The following ZNFX1 variants were observed in gnomAD, a reference collection of about 807,000 sequenced individuals.
ZNFX1 encodes the protein NFX1-type zinc finger-containing protein 1.
ZNFX1 carries 78 observed loss-of-function variants against 179.8 expected under a neutral mutation model. That is an observed-to-expected ratio of 0.43 (90% CI 0.36 to 0.52). The LOEUF is 0.52. ZNFX1 is among the 20% of genes least tolerant of loss of function. ZNFX1 has a pLI of 0.00. For synonymous variants in ZNFX1, 848 were observed against 868.5 expected (o/e 0.98, Z 0.42); for missense variants, 1,927 against 2,386.6 (o/e 0.81, Z 4.01).
In ZNFX1 at chr20:49,246,619, G is replaced by C. The variant is rs1600981501; in HGVS notation, c.*648C>G. 3.1e-6 allele frequency: 1 copy of C among 321,516 alleles called. No homozygotes were observed. Among genetic ancestry groups the C allele is most frequent in the South Asian group, 2.4e-5 (1 of 40,932 alleles). 19.9% of individuals were successfully genotyped at this position (321,516 alleles called of 1,614,324 possible). A position where few individuals can be genotyped will look rare whatever the true frequency, so the allele number is the denominator to read the frequency against. ...ATCAATGAGCTCATACTCTGTTCCT[G>C]GGGAACAATGTAGAATAAACATCTG... On this transcript the variant is annotated 3_prime_UTR_variant, in exon 14 of 14. Transcript: ENST00000396105.
intron 8 of ZNFX1, among the ~76,000 whole-genome samples, chr20:49,257,021 G>A (rs1980986286): frequency 6.6e-6 from 1 of 152,192 alleles, no homozygotes; most frequent in African/African-American, 2.4e-5. Context: ...ATCCAGCCTG[G>A]AGGTCTCGCT....
intron 13 of ZNFX1, among the ~76,000 whole-genome samples, chr20:49,250,353 C>G (rs2146728575): frequency 6.6e-6 from 1 of 152,298 alleles, no homozygotes; most frequent in South Asian, 2.1e-4. Context: ...AATGACAGAG[C>G]AGCTAACTTA....
intron 4 of ZNFX1, 122 bp downstream of exon 4, chr20:49,266,013 G>A (rs528512274): frequency 1.4e-5 from 15 of 1,090,756 alleles, no homozygotes; most frequent in East Asian, 1.2e-4. Context: ...GATCACAAAC[G>A]GCCATGTAAG....
chr20:49,249,735 G>A, intron 13 of ZNFX1, 24 bp from the exon 14 acceptor site: 1 of 1,589,404 alleles, frequency 6.3e-7, no homozygotes, highest in Non-Finnish European at 8.6e-7. Flanking sequence ...GAAGTGACAT[G>A]TTAAAAGGTT....
intron 2 of ZNFX1, among the ~76,000 whole-genome samples, chr20:49,272,686 AC>A (rs1200475738): frequency 2.0e-5 from 3 of 152,216 alleles, no homozygotes; most frequent in Non-Finnish European, 4.4e-5. Context: ...GGGAAGTACT[AC>A]CTGAATGCTG....
Position 49,257,549 on chromosome 20 carries a change from C to G in ZNFX1, c.2532G>C (p.Val844=). 1 of 1,613,956 alleles carries G rather than the reference C, an allele frequency of 6.2e-7. No homozygotes were observed. Among genetic ancestry groups the G allele is most frequent in the African/African-American group, 1.3e-5 (1 of 74,978 alleles). Reference sequence around the variant, plus strand: ...CTTCCTTCTTCCGCCGCTGGGGCCTCACCACCTCTTCCTCCTCAATCACCC... The same window carrying G: ...CTTCCTTCTTCCGCCGCTGGGGCCTGACCACCTCTTCCTCCTCAATCACCC... The part of the protein sequence containing the change: ...ADRVIEEEEV[V]RPQRRKKEES... Residue 844 remains valine, a synonymous_variant, in exon 8 of 14, where the codon GTG becomes GTC. Transcript: ENST00000396105.
At chr20:49,269,803 A>G (rs1981334801) in intron 3 of ZNFX1, 139 bp downstream of exon 3, 1 of 1,025,702 alleles carries the variant, frequency 9.7e-7, no homozygotes, top group African/African-American at 1.6e-5. Context: ...AAACCTGCAC[A>G]TGTACCCCTA....
chr20:49,247,554 C>T lies in ZNFX1; in HGVS notation c.5470G>A (p.Gly1824Ser), dbSNP rs1277455776. Residue 1824 changes from glycine (G) to serine (S), a missense_variant, in exon 14 of 14, where the codon GGC (glycine) becomes AGC (serine). Coordinates refer to ENST00000396105, the MANE Select transcript of ZNFX1 (RefSeq NM_021035.3). Reference protein sequence around the residue: ...EALKATLPCSGLGISEEERVQ... With the variant: ...EALKATLPCSSLGISEEERVQ... ...CGCTCTTCCTCTGAGATGCCCAGGC[C>T]AGAGCAGGGAAGGGTGGCTTTCAGA... 6 of 1,614,104 alleles carry T rather than the reference C, an allele frequency of 3.7e-6. No individual in the cohort carries two copies. The African/African-American group carries it at 8.0e-5, about 22-fold the overall frequency.
At chr20:49,267,393 G>C (rs951406161) in intron 3 of ZNFX1, among the ~76,000 whole-genome samples, 3 of 151,600 alleles carry the variant, frequency 2.0e-5, no homozygotes, top group South Asian at 2.1e-4. Flanking sequence ...CTGAACACCT[G>C]TTTTCAAGGG....
chr20:49,258,690 T>C (rs1981036056), intron 7 of ZNFX1, among the ~76,000 whole-genome samples: 1 of 151,708 alleles, frequency 6.6e-6, no homozygotes, highest in Non-Finnish European at 1.5e-5. Context: ...CCTGTATTTC[T>C]AGCTACCTGG....
intron 3 of ZNFX1, among the ~76,000 whole-genome samples, chr20:49,266,668 A>ACC (rs76320074): frequency 1.6e-5 from 1 of 61,040 alleles, no homozygotes; most frequent in African/African-American, 6.9e-5. Context: ...CATCCCCCCC[A>ACC]CCCCCCCCTT....
intron 2 of ZNFX1, among the ~76,000 whole-genome samples, chr20:49,273,655 T>C (rs1981481074): frequency 6.6e-6 from 1 of 152,160 alleles, no homozygotes; most frequent in Non-Finnish European, 1.5e-5. Flanking sequence ...CATGGCCAGG[T>C]GTGGTGGCTC....
rs1391765780 is a variant in ZNFX1 at position 49,248,010 on chromosome 20, T to G, written c.5014A>C (p.Ser1672Arg). 1 of 1,614,140 alleles carries G rather than the reference T, an allele frequency of 6.2e-7. No individual in the cohort carries two copies. Among genetic ancestry groups the G allele is most frequent in the East Asian group, 2.2e-5 (1 of 44,878 alleles). The change falls in exon 14 of 14, where the codon AGC (serine) becomes CGC (arginine). Residue 1672 changes from serine to arginine, a missense_variant. Transcript: ENST00000396105. This position sits in a 1 kb window ranked among gnomAD's most constrained non-coding sequence, Gnocchi z 4.6. Reference sequence around the variant, plus strand: ...TCAGGAAGCAGCTGGTGGAGGAGGCTCTTCCTCTCCAGCAGGGCCTTAAGC... The same window carrying G: ...TCAGGAAGCAGCTGGTGGAGGAGGCGCTTCCTCTCCAGCAGGGCCTTAAGC... ...ERLKALLERK[S>R]LLHQLLPEDF...
chr20:49,263,260 T>G, intron 6 of ZNFX1, 74 bp downstream of exon 6: 19 of 1,555,780 alleles, frequency 1.2e-5, no homozygotes, highest in Non-Finnish European at 1.7e-5. Flanking sequence ...AGTTTTGGAC[T>G]GATGCTTCTC....
rs1486635913 is a variant in ZNFX1 at position 49,247,767 on chromosome 20, G to C, written c.5257C>G (p.Leu1753Val). Residue 1753 changes from leucine (L) to valine (V), a missense_variant, in exon 14 of 14, where the codon CTA becomes GTA. Transcript: ENST00000396105. ...KKRLSFTSQE[L>V]SDLRSEIQRL... ...TGGATTTCACTTCGGAGGTCACTTA[G>C]TTCCTGGCTAGTGAAGCTCAAGCGC... 1.9e-6 allele frequency: 3 copies of C among 1,614,178 alleles called. No homozygotes were observed. The East Asian group carries it at 6.7e-5, about 36-fold the overall frequency.
At chr20:49,274,079 A>G (rs921567410) in intron 2 of ZNFX1, among the ~76,000 whole-genome samples, 7 of 152,252 alleles carry the variant, frequency 4.6e-5, no homozygotes, top group Non-Finnish European at 1.0e-4. Context: ...GTGCTGAGCA[A>G]GCAGAATAAT....
chr20:49,259,448 G>A (rs1360403971), intron 7 of ZNFX1, among the ~76,000 whole-genome samples: 1 of 147,004 alleles, frequency 6.8e-6, no homozygotes, highest in Non-Finnish European at 1.5e-5. Flanking sequence ...TTTTTTTTGA[G>A]ACTATGTCTG....
At chr20:49,253,858 G>T in intron 10 of ZNFX1, 47 bp from the exon 11 acceptor site, 1 of 1,606,142 alleles carries the variant, frequency 6.2e-7, no homozygotes. Context: ...TGAGGCACAG[G>T]ACCCACAGGG....
At position 49,249,267 on chromosome 20, in the gene ZNFX1, T is replaced by C; in HGVS notation, c.3757A>G (p.Asn1253Asp). ...WSKIIHTLRENNQIGPMLRLC... is the reference protein window; with the variant it reads ...WSKIIHTLREDNQIGPMLRLC... The stretch of plus-strand genomic sequence containing the variant: ...CGGAGCATGGGGCCTATTTGATTGT[T>C]CTCTCGAAGTGTATGAATGATCTTG... The change falls in exon 14 of 14, where the codon AAC becomes GAC. Residue 1253 changes from asparagine to aspartate, a missense_variant. Physicochemically the swap from Asn to Asp is conservative, Grantham distance 23. Coordinates refer to ENST00000396105, the MANE Select transcript of ZNFX1 (RefSeq NM_021035.3). The C allele has an allele frequency of 6.2e-7, 1 of 1,614,182 alleles. No individual in the cohort carries two copies. Among genetic ancestry groups the C allele is most frequent in the African/African-American group, 1.3e-5 (1 of 75,038 alleles).
Sources: allele counts gnomAD v4.1 joint callset (sites outside exome capture counted in the v4.1 genomes callset), GRCh38; gene constraint gnomAD v4.1.1; non-coding constraint Gnocchi (gnomAD v3.1); transcripts MANE v1.5; gene names NCBI Gene and HGNC (gene_info 2026-07-23, HGNC 2026-07-21).